ARHGEF10: variants seen among roughly 807,000 people sequenced by gnomAD.
ARHGEF10 encodes the protein Rho guanine nucleotide exchange factor 10.
ARHGEF10 carries 140 observed loss-of-function variants against 147.4 expected under a neutral mutation model. That is an observed-to-expected ratio of 0.95 (90% CI 0.83 to 1.09). The LOEUF (loss-of-function observed/expected upper bound fraction) is 1.09. ARHGEF10 is among the 50% of genes least tolerant of loss of function. ARHGEF10 has a pLI of 0.00. For missense variants in ARHGEF10, 2,222 were observed against 1,752.7 expected (o/e 1.27, Z -4.78); for synonymous variants, 902 against 695.8 (o/e 1.30, Z -4.67).
In ARHGEF10 at chr8:1,859,945, C is replaced by T. The variant is rs1432314328; in HGVS notation, c.242C>T (p.Thr81Ile). 6.2e-7 allele frequency: 1 copy of T among 1,614,202 alleles called. No individual in the cohort carries two copies. The highest frequency in any genetic ancestry group is 1.7e-5 in the Admixed American group (1 of 60,036). Residue 81 changes from threonine (T) to isoleucine (I), a missense_variant, in exon 4 of 29, where the codon ACT becomes ATT. Coordinates refer to ENST00000349830, the MANE Select transcript of ARHGEF10 (RefSeq NM_014629.4). ...GAAACCACCCCAGTGGCAGAGCCTA[C>T]TAAGCTGGTGCTCCCGATGAAAGTC... is the stretch of plus-strand genomic sequence containing the variant. ...GAETTPVAEPTKLVLPMKVNP... is the reference protein window; with the variant it reads ...GAETTPVAEPIKLVLPMKVNP...
At chr8:1,905,494 A>G (rs1458918332) in intron 16 of ARHGEF10, 77 bp from the exon 17 acceptor site, 12 of 1,587,716 alleles carry the variant, frequency 7.6e-6, no homozygotes, top group African/African-American at 1.3e-5. Flanking sequence ...CTGAGACTCC[A>G]TACCAGACTT....
chr8:1,843,298 TG>T (rs1412814988), intron 1 of ARHGEF10, 54 bp from the exon 2 acceptor site: 41 of 1,402,508 alleles, frequency 2.9e-5, no homozygotes, highest in Non-Finnish European at 3.7e-5. Context: ...CTACACCTAT[TG>T]AGTGCATGTT....
intron 24 of ARHGEF10, 104 bp from the exon 25 acceptor site, chr8:1,929,182 G>T: frequency 1.6e-6 from 2 of 1,285,396 alleles, no homozygotes; most frequent in Non-Finnish European, 2.2e-6. Flanking sequence ...GGAGAAGGAA[G>T]GGCAAGAGGG....
At chr8:1,909,993 T>C (rs1811240525) in intron 18 of ARHGEF10, among the ~76,000 whole-genome samples, 2 of 152,204 alleles carry the variant, frequency 1.3e-5, no homozygotes, top group African/African-American at 4.8e-5. Context: ...GCTTTGGCAA[T>C]GTCTTAGCAT....
chr8:1,917,342 A>G (rs1167990293), intron 18 of ARHGEF10, among the ~76,000 whole-genome samples: 3 of 152,226 alleles, frequency 2.0e-5, no homozygotes, highest in Admixed American at 2.0e-4. Context: ...ATTTAAGTTA[A>G]AAATTTTTAA....
intron 7 of ARHGEF10, chr8:1,870,131 C>CGGAGCCCCAGCCAGTGCCGACTGAAGA (rs1806980841): frequency 6.6e-6 from 1 of 151,968 alleles, no homozygotes; most frequent in African/African-American, 2.4e-5. Context: ...CAGATGCAGC[C>CGGAGCCCCAGCCAGTGCCGACTGAAGA]GGAGCCCCAG....
intron 1 of ARHGEF10, among the ~76,000 whole-genome samples, chr8:1,842,735 T>A (rs1224507340): frequency 1.3e-5 from 2 of 152,232 alleles, no homozygotes; most frequent in Non-Finnish European, 2.9e-5. Context: ...GGAACTGGCC[T>A]TCCCGGGACT....
chr8:1,828,227 G>A (rs1425504417), intron 1 of ARHGEF10, among the ~76,000 whole-genome samples: 1 of 152,202 alleles, frequency 6.6e-6, no homozygotes, highest in African/African-American at 2.4e-5. Flanking sequence ...GTTTTGTTTT[G>A]TGCCCGTGGC....
rs1436963992 is a variant in ARHGEF10, at chr8:1,933,885, G to A, written c.3165G>A (p.Leu1055=). 3 of 1,614,188 alleles carry A rather than the reference G, an allele frequency of 1.9e-6. No homozygotes were observed. The Admixed American group carries it at 5.0e-5, about 27-fold the overall frequency. ...VRSLLMMEDT[L]WAASGGQVFI... ...GTCTACTCATGATGGAAGACACGTTGTGGGCGGCTTCCGGAGGTCAAGTCT... is the reference window on the plus strand; with the variant it reads ...GTCTACTCATGATGGAAGACACGTTATGGGCGGCTTCCGGAGGTCAAGTCT... The change falls in exon 26 of 29, where the codon TTG becomes TTA. Residue 1055 remains leucine (L), a synonymous_variant. Coordinates refer to ENST00000349830, the MANE Select transcript of ARHGEF10 (RefSeq NM_014629.4).
intron 17 of ARHGEF10, among the ~76,000 whole-genome samples, chr8:1,908,117 C>T (rs1443077384): frequency 1.3e-5 from 2 of 151,902 alleles, no homozygotes; most frequent in African/African-American, 4.8e-5. Context: ...GCAGAGTGCT[C>T]TGGTGTAAGA....
At chr8:1,924,484 A>T (rs1310080175) in intron 21 of ARHGEF10, among the ~76,000 whole-genome samples, 2 of 152,216 alleles carry the variant, frequency 1.3e-5, no homozygotes, top group African/African-American at 4.8e-5. Flanking sequence ...TGTGTGTGTA[A>T]AATTTTCCTT....
In ARHGEF10 at chr8:1,958,417, T is replaced by A. The variant is rs904248137; in HGVS notation, c.*1154T>A. On this transcript the variant is annotated 3_prime_UTR_variant, in exon 29 of 29. Transcript: ENST00000349830. ...ATCCTGCTGAACGTGTATTTCAGTGTTTCACTTACTGGACGGATAACAAGA... is the reference window on the plus strand; with the variant it reads ...ATCCTGCTGAACGTGTATTTCAGTGATTCACTTACTGGACGGATAACAAGA... 6.6e-6 allele frequency: 1 copy of A among 152,228 alleles called. No individual in the cohort carries two copies. The highest frequency in any genetic ancestry group is 1.5e-5 in the Non-Finnish European group (1 of 68,044). The allele number at this position is 152,228 out of a possible 1,614,324, so 9.4% of individuals were successfully genotyped here. A position where few individuals can be genotyped will look rare whatever the true frequency, so the allele number is the denominator to read the frequency against.
chr8:1,954,713 G>C (rs1004186857), intron 28 of ARHGEF10, among the ~76,000 whole-genome samples: 5 of 152,182 alleles, frequency 3.3e-5, no homozygotes, highest in African/African-American at 4.8e-5. Flanking sequence ...TGAGTTTTAC[G>C]TCAATTATTC....
At position 1,855,087 on chromosome 8, in the gene ARHGEF10, T is replaced by A. The variant is rs1302849527; in HGVS notation, c.38-2873T>A. Among the ~76,000 whole-genome samples, 3 of 146,432 alleles carry A rather than the reference T, an allele frequency of 2.0e-5. No individual in the cohort carries two copies. The East Asian group carries it at 7.1e-4, about 35-fold the overall frequency. ...TCCTTCCTGAAGACTTTAAAGAGAA[T>A]TCCTTCTTCCTGTATGGGGTACAGT... is the stretch of plus-strand genomic sequence containing the variant. On this transcript the variant is annotated intron_variant, in intron 2 of 28. Transcript: ENST00000349830.
intron 27 of ARHGEF10, 132 bp downstream of exon 27, chr8:1,945,787 G>C: frequency 7.4e-7 from 1 of 1,353,176 alleles, no homozygotes; most frequent in African/African-American, 1.4e-5. Flanking sequence ...CAGGTAATGG[G>C]GTGGGACAAG....
chr8:1,838,259 A>G (rs79760674), intron 1 of ARHGEF10, among the ~76,000 whole-genome samples: 8,676 of 152,298 alleles, frequency 0.057, 368 homozygotes, highest in African/African-American at 0.11. Flanking sequence ...TCCCAGGGAA[A>G]GATGACATCA....
chr8:1,871,259 TTAAC>T (rs1170539005), intron 7 of ARHGEF10: 2 of 151,814 alleles, frequency 1.3e-5, no homozygotes, highest in Non-Finnish European at 2.9e-5. Flanking sequence ...TTTTAAAAAA[TTAAC>T]TATATAGTAT....
chr8:1,880,161 G>A lies in ARHGEF10; in HGVS notation c.957G>A (p.Leu319=), dbSNP rs760546044. The change falls in exon 9 of 29, where the codon CTG becomes CTA. Residue 319 remains leucine, a synonymous_variant. Transcript: ENST00000349830. ...AGCAGCTCAGGCAGAAGCATGAACT[G>A]AAGGTAGAGTCTTGCCCCCGGCCGC... ...EIQQLRQKHE[L]KMQKLVKAAK... The A allele has an allele frequency of 4.3e-6, 7 of 1,611,410 alleles. No homozygotes were observed. The highest frequency in any genetic ancestry group is 5.9e-6 in the Non-Finnish European group (7 of 1,177,670).
At chr8:1,910,494 C>G (rs919577453) in intron 18 of ARHGEF10, among the ~76,000 whole-genome samples, 3 of 152,080 alleles carry the variant, frequency 2.0e-5, no homozygotes, top group Non-Finnish European at 4.4e-5. Flanking sequence ...CTCTTAAATC[C>G]TCGTCCTATT....
Sources: gnomAD v4.1 joint callset for allele counts (sites outside exome capture counted in the v4.1 genomes callset) on GRCh38, gnomAD v4.1.1 for gene constraint, MANE v1.5 for transcripts, NCBI Gene and HGNC (gene_info 2026-07-23, HGNC 2026-07-21) for gene names.